CHM: variants seen among roughly 807,000 people sequenced by gnomAD.
CHM encodes the protein CHM Rab escort protein.
In CHM, 10 loss-of-function variants were observed where a neutral mutation model predicts 49.0. That is an observed-to-expected ratio of 0.20 (90% CI 0.13 to 0.35). The LOEUF is 0.35. Among genes scored for constraint, CHM ranks in the 10% least tolerant of loss-of-function variants. CHM has a pLI of 1.00. For synonymous variants in CHM, 184 were observed against 167.5 expected, an observed-to-expected ratio of 1.10 and a Z score of -0.76; for missense variants, 455 against 478.4, an observed-to-expected ratio of 0.95 and a Z score of 0.46.
chrX:86,009,905 A>G (rs920052212), intron 2 of CHM, among the ~76,000 whole-genome samples: 4 of 110,509 alleles, frequency 3.6e-5, no homozygotes, highest in East Asian at 2.8e-4. Context: ...ACAGAATAAC[A>G]TTTTTTTAAA....
rs761770349 is a variant in CHM at position 85,894,211 on chromosome X, G to A, written c.1487C>T (p.Thr496Met). Residue 496 changes from threonine to methionine, a missense_variant, in exon 12 of 15, where the codon ACG becomes ATG. By Grantham distance (81) the Thr-to-Met change is moderately conservative. Coordinates refer to ENST00000357749, the MANE Select transcript of CHM (RefSeq NM_000390.4). Reference sequence around the variant, plus strand: ...ACAGGTGCCTTTCATGCATGTCATCGTTGAAGAACATAACTCAATGACCCG... The same window carrying A: ...ACAGGTGCCTTTCATGCATGTCATCATTGAAGAACATAACTCAATGACCCG... ...AVRVIELCSSTMTCMKGTYLV... is the reference protein window; with the variant it reads ...AVRVIELCSSMMTCMKGTYLV... The A allele has an allele frequency of 1.1e-5, 13 of 1,206,598 alleles. No individual in the cohort carries two copies. Among genetic ancestry groups the A allele is most frequent in the African/African-American group, 7.0e-5 (4 of 56,993 alleles).
At chrX:85,878,940 A>G (rs1469552403) in intron 13 of CHM, 25 bp downstream of exon 13, 2 of 1,020,447 alleles carry the variant, frequency 2.0e-6, no homozygotes, top group Admixed American at 2.3e-5. Flanking sequence ...CCTTTCCATC[A>G]TGAGTTATCA....
rs1932833972 is a variant in CHM, at chrX:86,005,515, T to C, written c.116+21976A>G. Among the ~76,000 whole-genome samples, 11 of 111,315 alleles carry C rather than the reference T, an allele frequency of 9.9e-5. No homozygotes were observed. In the Admixed American group the frequency reaches 1.0e-3, roughly 11 times the overall value. ...AAGATCAACAAAATTGATAGAGAGCTAGAAAGACTAATAAAGAAGAAGAAA... is the reference window on the plus strand; with the variant it reads ...AAGATCAACAAAATTGATAGAGAGCCAGAAAGACTAATAAAGAAGAAGAAA... On this transcript the variant is annotated intron_variant, in intron 2 of 14. Coordinates refer to ENST00000357749, the MANE Select transcript of CHM (RefSeq NM_000390.4).
chrX:85,978,822 C>T lies in CHM; in HGVS notation c.259G>A (p.Ala87Thr). Residue 87 changes from alanine to threonine, a missense_variant, in exon 4 of 15, where the codon GCT (alanine) becomes ACT (threonine). Ala to Thr is a moderately conservative substitution (Grantham distance 58, BLOSUM62 0). Coordinates refer to ENST00000357749, the MANE Select transcript of CHM (RefSeq NM_000390.4). ...ATAGTTTTGTCCTTCCTGCTAAGAG[C>T]AATGGCTTCTTCATTTTCAAGGATC... ...DQILENEEAI[A>T]LSRKDKTIQH... is the part of the protein sequence containing the mutation. 1 of 1,205,715 alleles carries T rather than the reference C, an allele frequency of 8.3e-7. No individual in the cohort carries two copies. The highest frequency in any genetic ancestry group is 1.8e-5 in the South Asian group (1 of 56,861).
In CHM at chrX:85,879,079, T is replaced by A. The variant is rs753900669; in HGVS notation, c.1511-16A>T. 60 of 1,045,412 alleles carry A rather than the reference T, an allele frequency of 5.7e-5. No homozygotes were observed. The highest frequency in any genetic ancestry group is 2.6e-4 in the Middle Eastern group (1 of 3,893). The allele number at this position is 1,045,412 out of a possible 1,213,427, so 86.2% of individuals were successfully genotyped here. ...TGAACCAAATCTGTTAAAAAAAAAA[T>A]ATTTGAGTTCCTTGTCATCACAAAT... On this transcript the variant is annotated splice_polypyrimidine_tract_variant and intron_variant, in intron 12 of 14. Coordinates refer to ENST00000357749, the MANE Select transcript of CHM (RefSeq NM_000390.4).
At chrX:86,011,766 G>C (rs185727780) in intron 2 of CHM, among the ~76,000 whole-genome samples, 18 of 111,696 alleles carry the variant, frequency 1.6e-4, no homozygotes, top group African/African-American at 4.9e-4. Flanking sequence ...TCCTTAAAAT[G>C]GGGAGGCAAA....
intron 8 of CHM, among the ~76,000 whole-genome samples, chrX:85,947,178 G>A (rs911744492): frequency 1.8e-5 from 2 of 112,124 alleles, no homozygotes; most frequent in African/African-American, 6.5e-5. Flanking sequence ...AGGGATGCTT[G>A]TATTTTGAAA....
intron 4 of CHM, among the ~76,000 whole-genome samples, chrX:85,973,251 A>G (rs1365778780): frequency 1.1e-5 from 1 of 92,087 alleles, no homozygotes; most frequent in Non-Finnish European, 2.1e-5. Context: ...ATGAACCGAG[A>G]TCACGCCACT....
chrX:85,934,665 T>G (rs1240775860), intron 8 of CHM, among the ~76,000 whole-genome samples: 1 of 110,548 alleles, frequency 9.0e-6, no homozygotes, highest in African/African-American at 3.3e-5. Context: ...GTGCCACATT[T>G]CCTTAATCCA....
At chrX:85,903,556 G>A (rs1345687540) in intron 9 of CHM, 7 of 383,134 alleles carry the variant, frequency 1.8e-5, no homozygotes, top group Non-Finnish European at 2.6e-5. Flanking sequence ...AACCATACCA[G>A]GAGAAGATAC....
intron 13 of CHM, among the ~76,000 whole-genome samples, chrX:85,878,265 A>T (rs1297691019): frequency 9.0e-6 from 1 of 111,462 alleles, no homozygotes; most frequent in Non-Finnish European, 1.9e-5. Context: ...GGATCACCTG[A>T]GGTCAGGCGT....
At chrX:86,040,859 TG>T (rs781013681) in intron 1 of CHM, among the ~76,000 whole-genome samples, 97 of 112,250 alleles carry the variant, frequency 8.6e-4, no homozygotes, top group Middle Eastern at 9.2e-3. Context: ...CCTATTTTGC[TG>T]GCCACAACTA....
intron 1 of CHM, among the ~76,000 whole-genome samples, chrX:86,027,843 A>T (rs1233910375): frequency 9.1e-6 from 1 of 110,084 alleles, no homozygotes; most frequent in Admixed American, 9.7e-5. Context: ...GGCTCACTGC[A>T]ACCTCCGACT....
In CHM at chrX:86,013,891, G is replaced by A. The variant is rs768666825; in HGVS notation, c.116+13600C>T. Among the ~76,000 whole-genome samples, 5 of 112,065 alleles carry A rather than the reference G, an allele frequency of 4.5e-5. No homozygotes were observed. In the South Asian group the frequency reaches 1.5e-3, roughly 33 times the overall value. On this transcript the variant is annotated intron_variant, in intron 2 of 14. Transcript: ENST00000357749. ...CATCTTAAGGAAGAAGGGGAGAACC[G>A]GCAAAGAGGTCTGCAAGCAATGTTT...
In CHM at chrX:85,969,385, G is replaced by A. The variant is rs750958282; in HGVS notation, c.315-5333C>T. 1.8e-5 allele frequency: 13 copies of A among 720,311 alleles called. No individual in the cohort carries two copies. In the South Asian group the frequency reaches 6.4e-4, roughly 36 times the overall value. The allele number at this position is 720,311 out of a possible 1,213,427, so 59.4% of individuals were successfully genotyped here. On this transcript the variant is annotated intron_variant, in intron 4 of 14. Coordinates refer to ENST00000357749, the MANE Select transcript of CHM (RefSeq NM_000390.4). ...TGATTTAAGTGTGAATTAATATATT[G>A]CACCTTTTTATAGTCTGTTCAAGAT...
At chrX:85,966,790 G>A (rs1233452132) in intron 4 of CHM, among the ~76,000 whole-genome samples, 1 of 111,591 alleles carries the variant, frequency 9.0e-6, no homozygotes, top group Admixed American at 9.6e-5. Context: ...TCTTATTACA[G>A]ACTATGATGA....
chrX:85,897,692 G>T (rs1925994101), intron 11 of CHM, among the ~76,000 whole-genome samples: 1 of 110,982 alleles, frequency 9.0e-6, no homozygotes, highest in South Asian at 3.9e-4. Flanking sequence ...GAAAGGGGCT[G>T]TCTGAGGCCA....
chrX:85,942,149 T>G (rs1477144210), intron 8 of CHM, among the ~76,000 whole-genome samples: 1 of 110,681 alleles, frequency 9.0e-6, no homozygotes, highest in Non-Finnish European at 1.9e-5. Context: ...ACACTTATAA[T>G]ATTTCTGTCC....
In CHM at chrX:85,956,219, C is replaced by A. The variant is rs76191025; in HGVS notation, c.1100G>T (p.Arg367Leu). The A allele has an allele frequency of 2.1e-4, 248 of 1,208,874 alleles. 2 individuals carry two copies. In the South Asian group the frequency reaches 3.7e-3, roughly 18 times the overall value. The change falls in exon 8 of 15, where the codon CGG becomes CTG. Residue 367 changes from arginine to leucine, a missense_variant. Coordinates refer to ENST00000357749, the MANE Select transcript of CHM (RefSeq NM_000390.4). ...AAACAAAAATGGAGTGTTGCCATAC[C>A]GCCCAAGACAGTGAAGAAAGTTTTT... ...ATKNFLHCLG[R>L]YGNTPFLFPL... is the part of the protein sequence containing the mutation.
Sources: gnomAD v4.1 joint callset for allele counts (sites outside exome capture counted in the v4.1 genomes callset) on GRCh38, gnomAD v4.1.1 for gene constraint, MANE v1.5 for transcripts, NCBI Gene and HGNC (gene_info 2026-07-23, HGNC 2026-07-21) for gene names.